Variants in MFSD11 observed in about 807,000 individuals in gnomAD.
MFSD11 encodes the protein major facilitator superfamily domain containing 11, also known as UNC93-like protein MFSD11.
A neutral mutation model predicts 53.5 loss-of-function variants in MFSD11; 36 were observed. That is an observed-to-expected ratio of 0.67 (90% CI 0.52 to 0.89). The LOEUF is 0.89. MFSD11 is among the 40% of genes least tolerant of loss of function. The probability of loss-of-function intolerance (pLI) is 0.00; values close to 1 mark genes in which losing one functional copy is unlikely to be tolerated. For synonymous variants in MFSD11, 186 were observed against 184.9 expected (o/e 1.01, Z -0.05); for missense variants, 530 against 543.9 (o/e 0.97, Z 0.25).
chr17:76,771,800 G>C lies in MFSD11; in HGVS notation c.874+1929G>C, dbSNP rs945882011. On this transcript the variant is annotated intron_variant, in intron 10 of 12. Transcript: ENST00000685175. ...TGACCAGGTTGATCAGAGTAACCTG[G>C]GCAGAGAGAATGCTGTAGGAGATGG... 8.5e-5 allele frequency among the ~76,000 whole-genome samples: 13 copies of C among 152,304 alleles called. No individual in the cohort carries two copies. In the South Asian group the frequency reaches 2.3e-3, roughly 27 times the overall value.
At chr17:76,795,851 G>A in the MFSD11 span, among the ~76,000 whole-genome samples, 6 of 144,268 alleles carry the variant, frequency 4.2e-5, no homozygotes, top group Non-Finnish European at 9.0e-5. Flanking sequence ...TTTTTTAGTA[G>A]AGACGGGGTT....
downstream of MFSD11, among the ~76,000 whole-genome samples, chr17:76,783,102 G>A (rs921869909): frequency 1.3e-5 from 2 of 150,928 alleles, no homozygotes; most frequent in Middle Eastern, 3.2e-3. Context: ...GCTTGAACCC[G>A]GGAGGCAGAG....
At chr17:76,792,037 C>T in the MFSD11 span, among the ~76,000 whole-genome samples, 46 of 148,786 alleles carry the variant, frequency 3.1e-4, 5 homozygotes, top group African/African-American at 1.2e-3. Flanking sequence ...GCCATGGTGC[C>T]CTCCACGGCC....
chr17:76,766,614 A>G (rs974741933), intron 8 of MFSD11, among the ~76,000 whole-genome samples: 3 of 152,170 alleles, frequency 2.0e-5, no homozygotes, highest in Admixed American at 6.5e-5. Context: ...CAGTGAAATT[A>G]GAGAAAAAAG....
the MFSD11 span, among the ~76,000 whole-genome samples, chr17:76,789,748 C>A: frequency 6.7e-6 from 1 of 150,066 alleles, no homozygotes; most frequent in Non-Finnish European, 1.5e-5. Flanking sequence ...TCTTGGCCTG[C>A]AACTTCTGTC....
At chr17:76,792,527 G>A in the MFSD11 span, among the ~76,000 whole-genome samples, 1 of 150,476 alleles carries the variant, frequency 6.6e-6, no homozygotes, top group Non-Finnish European at 1.5e-5. Context: ...TTTTATAGAT[G>A]AGAAAACCAA....
chr17:76,738,623 T>TG, intron 1 of MFSD11, 175 bp downstream of exon 1: 1 of 617,444 alleles, frequency 1.6e-6, no homozygotes. Flanking sequence ...ACATTTCTCA[T>TG]GGGGGCGTTA....
At chr17:76,754,885 T>G (rs895372270) in intron 8 of MFSD11, among the ~76,000 whole-genome samples, 1 of 152,070 alleles carries the variant, frequency 6.6e-6, no homozygotes, top group African/African-American at 2.4e-5. Context: ...TATCATTGTC[T>G]CAGTTTAACA....
At chr17:76,793,330 T>C in the MFSD11 span, among the ~76,000 whole-genome samples, 1 of 151,394 alleles carries the variant, frequency 6.6e-6, no homozygotes, top group Non-Finnish European at 1.5e-5. Flanking sequence ...CGCATTCTCT[T>C]TCAGGGCTGT....
At position 76,763,715 on chromosome 17, in the gene MFSD11, CAAAT is replaced by C. The variant is rs1311728971; in HGVS notation, c.683-3670_683-3667del. 1.1e-4 allele frequency among the ~76,000 whole-genome samples: 17 copies of C among 152,006 alleles called. 1 individual carries two copies. Among genetic ancestry groups the C allele is most frequent in the Admixed American group, 6.5e-4 (10 of 15,280 alleles). On this transcript the variant is annotated intron_variant, in intron 8 of 12. Coordinates refer to ENST00000685175, the MANE Select transcript of MFSD11 (RefSeq NM_001242532.5). The stretch of plus-strand genomic sequence containing the variant: ...TCAGCAAACGCTCTAGGAAAACAAA[CAAAT>C]GTTTTCTCCCGTTCTATAGATTGAC...
At chr17:76,775,192 C>G (rs201798603) in intron 11 of MFSD11, 21 bp downstream of exon 11, 11 of 1,610,910 alleles carry the variant, frequency 6.8e-6, no homozygotes, top group Non-Finnish European at 6.8e-6. Context: ...TGTCATTTCT[C>G]TAGTCGCTTG....
upstream of MFSD11, chr17:76,737,167 G>T (rs776547803): frequency 1.3e-6 from 2 of 1,555,568 alleles, no homozygotes; most frequent in African/African-American, 1.4e-5. Context: ...TCATAGCTCT[G>T]AGTGGCGGCC....
Position 76,778,477 on chromosome 17 carries a change from T to A in MFSD11, c.*125T>A. ...TGTTCAGTATGGAAAATCAAGGGAT[T>A]AAGACTGTTAAATCAGCCAGAGTTG... On this transcript the variant is annotated 3_prime_UTR_variant, in exon 13 of 13. Coordinates refer to ENST00000685175, the MANE Select transcript of MFSD11 (RefSeq NM_001242532.5). The A allele has an allele frequency of 1.1e-6, 1 of 921,076 alleles. No individual in the cohort carries two copies. Among genetic ancestry groups the A allele is most frequent in the Non-Finnish European group, 1.6e-6 (1 of 613,544 alleles). 57.1% of individuals were successfully genotyped at this position (921,076 alleles called of 1,614,324 possible).
chr17:76,774,926 G>A, intron 10 of MFSD11, 71 bp from the exon 11 acceptor site: 3 of 1,470,578 alleles, frequency 2.0e-6, no homozygotes, highest in Non-Finnish European at 2.8e-6. Flanking sequence ...TTGGCTCCTT[G>A]GTGGTAACTC....
At chr17:76,788,902 G>C in the MFSD11 span, among the ~76,000 whole-genome samples, 2 of 148,792 alleles carry the variant, frequency 1.3e-5, no homozygotes, top group East Asian at 4.0e-4. Flanking sequence ...AGCACTTTGG[G>C]AGGCTGAGGC....
At chr17:76,763,698 C>T (rs182302207) in intron 8 of MFSD11, among the ~76,000 whole-genome samples, 1 of 152,038 alleles carries the variant, frequency 6.6e-6, no homozygotes, top group African/African-American at 2.4e-5. Context: ...TTTCAGCAAA[C>T]GCTCTAGGAA....
At chr17:76,799,954 C>CTTTTTTTTTTTTTTTTTTTTTTTT in the MFSD11 span, among the ~76,000 whole-genome samples, 1 of 87,302 alleles carries the variant, frequency 1.1e-5, no homozygotes, top group African/African-American at 4.1e-5. Context: ...TTTTCTTTTT[C>CTTTTTTTTTTTTTTTTTTTTTTTT]CTTTTTTTTT....
the MFSD11 span, among the ~76,000 whole-genome samples, chr17:76,803,176 AAAAC>A: frequency 1.4e-3 from 215 of 151,716 alleles, no homozygotes; most frequent in African/African-American, 4.7e-3. Context: ...AAACAAAAAC[AAAAC>A]AAACAAAAAA....
Position 76,775,073 on chromosome 17 carries a change from G to A in MFSD11, c.951G>A (p.Val317=). Residue 317 remains valine, a synonymous_variant, in exon 11 of 13, where the codon GTG becomes GTA. Coordinates refer to ENST00000685175, the MANE Select transcript of MFSD11 (RefSeq NM_001242532.5). ...CAGTTGTGCTGTTGGGCATCCTGGT[G>A]CACTTCATAGCTTTTTATCTAATAT... ...RNPVVLLGIL[V]HFIAFYLIFL... is the part of the protein sequence containing the mutation. 6.2e-7 allele frequency: 1 copy of A among 1,614,082 alleles called. No individual in the cohort carries two copies. The highest frequency in any genetic ancestry group is 8.5e-7 in the Non-Finnish European group (1 of 1,179,956).
Sources: gnomAD v4.1 joint callset for allele counts (sites outside exome capture counted in the v4.1 genomes callset) on GRCh38, gnomAD v4.1.1 for gene constraint, MANE v1.5 for transcripts, NCBI Gene and HGNC (gene_info 2026-07-23, HGNC 2026-07-21) for gene names.